SMAD2: variants seen among roughly 807,000 people sequenced by gnomAD.
SMAD2 encodes MAD homolog 2.
A neutral mutation model predicts 64.4 loss-of-function variants in SMAD2; 8 were observed. The observed-to-expected ratio is 0.12, with a 90% CI of 0.07 to 0.22. The LOEUF (loss-of-function observed/expected upper bound fraction) is 0.22, where lower values mean the gene tolerates loss of function less well. SMAD2 is among the 10% of genes least tolerant of loss of function. The probability of loss-of-function intolerance (pLI) is 1.00; values close to 1 mark genes in which losing one functional copy is unlikely to be tolerated. For missense variants in SMAD2, 289 were observed against 561.2 expected (o/e 0.51, Z 4.90); for synonymous variants, 203 against 195.8 (o/e 1.04, Z -0.31).
At chr18:47,878,337 G>GT (rs1451231849) in intron 2 of SMAD2, 1 of 152,210 alleles carries the variant, frequency 6.6e-6, no homozygotes, top group African/African-American at 2.4e-5. Flanking sequence ...TGATGCTCAT[G>GT]TAATAAGTAC....
Position 47,820,096 on chromosome 18 carries a change from A to G in SMAD2, c.*21731T>C, listed in dbSNP as rs1344183790. On this transcript the variant is annotated 3_prime_UTR_variant, in exon 11 of 11. Coordinates refer to ENST00000262160, the MANE Select transcript of SMAD2 (RefSeq NM_005901.6). ...TTTGAAATCTTATAAATTAATCTTC[A>G]GTAAATGTCTGGATCATTTCCAAAA... 1.3e-5 allele frequency: 2 copies of G among 152,230 alleles called. No individual in the cohort carries two copies. The highest frequency in any genetic ancestry group is 2.9e-5 in the Non-Finnish European group (2 of 68,044). 9.4% of individuals were successfully genotyped at this position (152,230 alleles called of 1,614,324 possible).
intron 1 of SMAD2, among the ~76,000 whole-genome samples, chr18:47,906,935 T>C (rs1313855315): frequency 6.6e-6 from 1 of 152,078 alleles, no homozygotes; most frequent in Non-Finnish European, 1.5e-5. Context: ...TAATCCAGGA[T>C]CATCTCTCCA....
intron 1 of SMAD2, among the ~76,000 whole-genome samples, chr18:47,912,857 G>GCA (rs2034191871): frequency 2.8e-5 from 1 of 36,122 alleles, no homozygotes; most frequent in African/African-American, 1.3e-4. Context: ...TGTATAAACA[G>GCA]CAAAAAAAAA....
intron 6 of SMAD2, among the ~76,000 whole-genome samples, 165 bp from the exon 7 acceptor site, chr18:47,851,492 G>A (rs2030071757): frequency 7.1e-6 from 1 of 141,428 alleles, no homozygotes; most frequent in African/African-American, 2.6e-5. Context: ...TAATTTGTGG[G>A]GGGTCGGGGG....
Position 47,832,008 on chromosome 18 carries a change from T to G in SMAD2, c.*9819A>C, listed in dbSNP as rs1913015285. 1 of 152,182 alleles carries G rather than the reference T, an allele frequency of 6.6e-6. No individual in the cohort carries two copies. The highest frequency in any genetic ancestry group is 1.5e-5 in the Non-Finnish European group (1 of 68,018). 9.4% of individuals were successfully genotyped at this position (152,182 alleles called of 1,614,324 possible). A position where few individuals can be genotyped will look rare whatever the true frequency, so the allele number is the denominator to read the frequency against. Reference sequence around the variant, plus strand: ...TTCCTGAACATTCTTCACCCAAACTTAGACAAACCTGGAGCTTAAAATAAT... The same window carrying G: ...TTCCTGAACATTCTTCACCCAAACTGAGACAAACCTGGAGCTTAAAATAAT... On this transcript the variant is annotated 3_prime_UTR_variant, in exon 11 of 11. Transcript: ENST00000262160.
chr18:47,858,809 A>C (rs1223195948), intron 6 of SMAD2, among the ~76,000 whole-genome samples: 1 of 152,170 alleles, frequency 6.6e-6, no homozygotes, highest in African/African-American at 2.4e-5. Flanking sequence ...AAACAGAATG[A>C]AACAAAAATT....
chr18:47,868,224 A>AT, intron 5 of SMAD2, 99 bp downstream of exon 5: 1 of 1,045,324 alleles, frequency 9.6e-7, no homozygotes, highest in Non-Finnish European at 1.5e-6. Context: ...ACTCAAAAGC[A>AT]TTTTTAAAAA....
At chr18:47,905,212 C>T (rs943768420) in intron 1 of SMAD2, among the ~76,000 whole-genome samples, 4 of 151,956 alleles carry the variant, frequency 2.6e-5, no homozygotes, top group African/African-American at 4.8e-5. Context: ...TCAAGAAATA[C>T]GCTTGAAACA....
chr18:47,826,455 C>T lies in SMAD2; in HGVS notation c.*15372G>A, dbSNP rs1912759697. The T allele has an allele frequency of 1.3e-5, 2 of 152,206 alleles. No homozygotes were observed. The highest frequency in any genetic ancestry group is 2.9e-5 in the Non-Finnish European group (2 of 68,044). 9.4% of individuals were successfully genotyped at this position (152,206 alleles called of 1,614,324 possible). On this transcript the variant is annotated 3_prime_UTR_variant, in exon 11 of 11. Coordinates refer to ENST00000262160, the MANE Select transcript of SMAD2 (RefSeq NM_005901.6). The stretch of plus-strand genomic sequence containing the variant: ...TGCTAGTTAGCATGAAGCATGCAGA[C>T]ATGAAAGGGAGTTATGGGATTGGGC...
intron 2 of SMAD2, among the ~76,000 whole-genome samples, chr18:47,884,202 T>C (rs1324450617): frequency 6.6e-6 from 1 of 152,186 alleles, no homozygotes; most frequent in Non-Finnish European, 1.5e-5. Flanking sequence ...GGTGACATCA[T>C]CAGTTTCACT....
rs1455883959 is a variant in SMAD2 at position 47,826,523 on chromosome 18, G to C, written c.*15304C>G. The C allele has an allele frequency of 6.6e-6, 1 of 152,206 alleles. No individual in the cohort carries two copies. Among genetic ancestry groups the C allele is most frequent in the East Asian group, 1.9e-4 (1 of 5,202 alleles). 9.4% of individuals were successfully genotyped at this position (152,206 alleles called of 1,614,324 possible). A position where few individuals can be genotyped will look rare whatever the true frequency, so the allele number is the denominator to read the frequency against. The stretch of plus-strand genomic sequence containing the variant: ...CTACAACCTCCACAAAAACATGCTT[G>C]TTTAATGGAGGATAGGAGGCATGTG... On this transcript the variant is annotated 3_prime_UTR_variant, in exon 11 of 11. Coordinates refer to ENST00000262160, the MANE Select transcript of SMAD2 (RefSeq NM_005901.6).
At position 47,825,251 on chromosome 18, in the gene SMAD2, C is replaced by T. The variant is rs570814603; in HGVS notation, c.*16576G>A. 6.6e-6 allele frequency: 1 copy of T among 152,306 alleles called. No homozygotes were observed. Among genetic ancestry groups the T allele is most frequent in the Non-Finnish European group, 1.5e-5 (1 of 68,034 alleles). The allele number at this position is 152,306 out of a possible 1,614,324, so 9.4% of individuals were successfully genotyped here. A position where few individuals can be genotyped will look rare whatever the true frequency, so the allele number is the denominator to read the frequency against. ...CTGAGCACTGCTATGGTCTGTCTCC[C>T]AAACTGTCCCTCAAATGTATGATGA... On this transcript the variant is annotated 3_prime_UTR_variant, in exon 11 of 11. Transcript: ENST00000262160.
At chr18:47,898,211 C>T (rs2033524934) in intron 1 of SMAD2, among the ~76,000 whole-genome samples, 2 of 152,106 alleles carry the variant, frequency 1.3e-5, no homozygotes, top group East Asian at 3.8e-4. Context: ...GTTATCATTC[C>T]ACATTGCTGG....
At chr18:47,885,518 AAAAT>A (rs375224531) in intron 2 of SMAD2, among the ~76,000 whole-genome samples, 1 of 152,214 alleles carries the variant, frequency 6.6e-6, no homozygotes, top group Non-Finnish European at 1.5e-5. Flanking sequence ...CATAAATGAC[AAAAT>A]AAATATAAAA....
In SMAD2 at chr18:47,927,931, A is replaced by T. The variant is rs2034832501; in HGVS notation, c.-54+2430T>A. Among the ~76,000 whole-genome samples the T allele has an allele frequency of 2.0e-5, 3 of 152,282 alleles. No homozygotes were observed. In the South Asian group the frequency reaches 6.2e-4, roughly 32 times the overall value. Reference sequence around the variant, plus strand: ...AATAAAATAAAATATATAAATGCATAATCTCTCATAACCTCTCTTAACTGG... The same window carrying T: ...AATAAAATAAAATATATAAATGCATTATCTCTCATAACCTCTCTTAACTGG... On this transcript the variant is annotated intron_variant, in intron 1 of 10. Coordinates refer to ENST00000262160, the MANE Select transcript of SMAD2 (RefSeq NM_005901.6).
At chr18:47,910,558 A>C (rs778201012) in intron 1 of SMAD2, among the ~76,000 whole-genome samples, 35 of 152,344 alleles carry the variant, frequency 2.3e-4, no homozygotes, top group South Asian at 1.7e-3. Flanking sequence ...TTATTTTCAT[A>C]AAGTTACACT....
rs1267062553 is a variant in SMAD2 at position 47,930,605 on chromosome 18, G to A, written c.-298C>T. On this transcript the variant is annotated 5_prime_UTR_variant, in exon 1 of 11. Coordinates refer to ENST00000262160, the MANE Select transcript of SMAD2 (RefSeq NM_005901.6). ...GAGGGGAGGGGAGGAGAGGGAAGGG[G>A]AGGGGAGGGAGCCTGGCCGCCGCCC... 1 of 149,978 alleles carries A rather than the reference G, an allele frequency of 6.7e-6. No individual in the cohort carries two copies. Among genetic ancestry groups the A allele is most frequent in the Non-Finnish European group, 1.5e-5 (1 of 67,362 alleles). The allele number at this position is 149,978 out of a possible 1,614,324, so 9.3% of individuals were successfully genotyped here.
At chr18:47,874,526 T>C (rs2032146917) in intron 2 of SMAD2, among the ~76,000 whole-genome samples, 1 of 151,896 alleles carries the variant, frequency 6.6e-6, no homozygotes, top group African/African-American at 2.4e-5. Context: ...ACTTCACCTA[T>C]AAAAAATTTA....
chr18:47,845,893 T>A (rs896114844), intron 8 of SMAD2, 93 bp from the exon 9 acceptor site: 1 of 1,124,694 alleles, frequency 8.9e-7, no homozygotes, highest in Non-Finnish European at 1.4e-6. Flanking sequence ...TAAAATGATA[T>A]AAGGTATTTC....
Sources: allele counts gnomAD v4.1 joint callset (sites outside exome capture counted in the v4.1 genomes callset), GRCh38; gene constraint gnomAD v4.1.1; transcripts MANE v1.5; gene names NCBI Gene and HGNC (gene_info 2026-07-23, HGNC 2026-07-21).